The following SEMA6D variants were observed in gnomAD, a reference collection of about 807,000 sequenced individuals.
The protein encoded by SEMA6D is semaphorin 6D, also known as semaphorin-6D.
Under a neutral mutation model 106.6 loss-of-function variants are expected in SEMA6D, and 35 were observed. That is an observed-to-expected ratio of 0.33 (90% CI 0.25 to 0.44). The LOEUF (loss-of-function observed/expected upper bound fraction) is 0.44. Among genes scored for constraint, SEMA6D ranks in the 20% least tolerant of loss-of-function variants. The pLI is 1.00. For missense variants in SEMA6D, 1,185 were observed against 1,345.9 expected (o/e 0.88, Z 1.87); for synonymous variants, 499 against 487.7 (o/e 1.02, Z -0.31).
At chr15:47,574,652 G>A (rs2076125055) in intron 3 of SEMA6D, among the ~76,000 whole-genome samples, 1 of 152,032 alleles carries the variant, frequency 6.6e-6, no homozygotes, top group South Asian at 2.1e-4. Flanking sequence ...CCTATGCAGA[G>A]ACATAAAATA....
chr15:47,370,086 G>C (rs2039212934), intron 1 of SEMA6D, among the ~76,000 whole-genome samples: 1 of 152,178 alleles, frequency 6.6e-6, no homozygotes, highest in South Asian at 2.1e-4. Flanking sequence ...GTTTCTTCTG[G>C]CAAAGGGCAA....
intron 3 of SEMA6D, chr15:47,581,383 G>C: frequency 2.0e-6 from 1 of 493,958 alleles, no homozygotes; most frequent in South Asian, 1.5e-5. Context: ...AAATAAACAA[G>C]ATAATTCCAT....
upstream of SEMA6D, chr15:47,717,260 C>G (rs1323364119): frequency 6.6e-6 from 1 of 152,184 alleles, no homozygotes; most frequent in Non-Finnish European, 1.5e-5. Flanking sequence ...CGGAGGCCAC[C>G]GAGGGGTCAG....
At chr15:47,208,884 C>T (rs760391164) in intron 1 of SEMA6D, among the ~76,000 whole-genome samples, 6 of 151,872 alleles carry the variant, frequency 4.0e-5, no homozygotes, top group Non-Finnish European at 5.9e-5. Flanking sequence ...ACTAGAGTCC[C>T]TCATACTGCC....
At chr15:47,309,417 G>T (rs954336627) in intron 1 of SEMA6D, among the ~76,000 whole-genome samples, 4 of 152,076 alleles carry the variant, frequency 2.6e-5, no homozygotes, top group African/African-American at 9.7e-5. Context: ...AACTGTTGGG[G>T]TATCACAGTG....
intron 1 of SEMA6D, among the ~76,000 whole-genome samples, chr15:47,215,537 A>C (rs2030502608): frequency 6.6e-6 from 1 of 152,190 alleles, no homozygotes; most frequent in Non-Finnish European, 1.5e-5. Context: ...AGAACATTTA[A>C]ATTCATAGAT....
intron 1 of SEMA6D, among the ~76,000 whole-genome samples, chr15:47,226,386 TA>T (rs1346055549): frequency 6.6e-6 from 1 of 152,044 alleles, no homozygotes; most frequent in African/African-American, 2.4e-5. Flanking sequence ...CTAATGCAAT[TA>T]TCTATGCAGA....
intron 1 of SEMA6D, among the ~76,000 whole-genome samples, chr15:47,728,877 AC>A (rs1324313695): frequency 6.6e-6 from 1 of 152,084 alleles, no homozygotes; most frequent in Non-Finnish European, 1.5e-5. Context: ...TCTTCAAAGG[AC>A]CCTTGTGGTT....
chr15:47,223,055 T>C (rs2031344961), intron 1 of SEMA6D, among the ~76,000 whole-genome samples: 1 of 152,184 alleles, frequency 6.6e-6, no homozygotes, highest in South Asian at 2.1e-4. Flanking sequence ...GACTGGGCCA[T>C]GATCCCAGGT....
chr15:47,522,439 G>A (rs568790751), intron 3 of SEMA6D, among the ~76,000 whole-genome samples: 1 of 152,256 alleles, frequency 6.6e-6, no homozygotes, highest in African/African-American at 2.4e-5. Flanking sequence ...AACTCCATGA[G>A]GTAATGTACC....
At chr15:47,236,646 C>G (rs1410379874) in intron 1 of SEMA6D, among the ~76,000 whole-genome samples, 1 of 152,020 alleles carries the variant, frequency 6.6e-6, no homozygotes, top group Non-Finnish European at 1.5e-5. Context: ...CCTGCTGTTG[C>G]TAGAGGTTAT....
chr15:47,454,304 C>G (rs527574797), intron 2 of SEMA6D, among the ~76,000 whole-genome samples: 1 of 151,914 alleles, frequency 6.6e-6, no homozygotes, highest in East Asian at 1.9e-4. Flanking sequence ...CTCTGAATGT[C>G]GCTTAATTTC....
At chr15:47,631,591 AG>A (rs1284965214) in intron 4 of SEMA6D, among the ~76,000 whole-genome samples, 1 of 151,722 alleles carries the variant, frequency 6.6e-6, no homozygotes, top group African/African-American at 2.4e-5. Context: ...AATAGGAAGG[AG>A]GGGGAAGATT....
intron 3 of SEMA6D, among the ~76,000 whole-genome samples, chr15:47,556,235 C>G (rs1275376526): frequency 1.3e-5 from 2 of 152,064 alleles, no homozygotes; most frequent in African/African-American, 4.8e-5. Context: ...GAAAATTATC[C>G]CGCAATCCCA....
At chr15:47,572,974 C>A (rs2076090456) in intron 3 of SEMA6D, among the ~76,000 whole-genome samples, 1 of 151,480 alleles carries the variant, frequency 6.6e-6, no homozygotes, top group South Asian at 2.1e-4. Context: ...TAATATTTTT[C>A]AATGCTTGAC....
intron 3 of SEMA6D, among the ~76,000 whole-genome samples, chr15:47,521,260 G>T (rs1054445913): frequency 6.6e-6 from 1 of 152,160 alleles, no homozygotes; most frequent in Non-Finnish European, 1.5e-5. Context: ...GAGGGGCAGC[G>T]GTGGAAGCAG....
chr15:47,346,379 TAAG>T (rs1433777769), intron 1 of SEMA6D, among the ~76,000 whole-genome samples: 1 of 152,182 alleles, frequency 6.6e-6, no homozygotes, highest in Non-Finnish European at 1.5e-5. Flanking sequence ...TCCATGTGTC[TAAG>T]AAGGTCACTT....
chr15:47,350,284 A>C (rs1325599341), intron 1 of SEMA6D, among the ~76,000 whole-genome samples: 1 of 147,812 alleles, frequency 6.8e-6, no homozygotes, highest in African/African-American at 2.4e-5. Flanking sequence ...AGCAAATAAT[A>C]GGGGCTTGCA....
intron 4 of SEMA6D, among the ~76,000 whole-genome samples, chr15:47,697,812 C>T (rs1174255041): frequency 6.6e-6 from 1 of 152,232 alleles, no homozygotes; most frequent in Non-Finnish European, 1.5e-5. Context: ...GGGCTTATAG[C>T]ATCCTCAGCA....
Sources: allele counts gnomAD v4.1 joint callset (sites outside exome capture counted in the v4.1 genomes callset), GRCh38; gene constraint gnomAD v4.1.1; transcripts MANE v1.5; gene names NCBI Gene and HGNC (gene_info 2026-07-23, HGNC 2026-07-21).